Variants in COP1 observed in about 807,000 individuals in gnomAD.
COP1 encodes the protein COP1 E3 ubiquitin ligase, also known as E3 ubiquitin-protein ligase COP1.
A neutral mutation model predicts 101.3 loss-of-function variants in COP1; 24 were observed. The observed-to-expected ratio is 0.24, with a 90% CI of 0.17 to 0.33. The LOEUF is 0.33. Among genes scored for constraint, COP1 ranks in the 10% least tolerant of loss-of-function variants. The pLI is 1.00. For missense variants in COP1, 663 were observed against 906.2 expected (o/e 0.73, Z 3.45); for synonymous variants, 347 against 341.9 (o/e 1.01, Z -0.17).
intron 11 of COP1, among the ~76,000 whole-genome samples, chr1:176,058,704 C>A (rs1674284250): frequency 1.3e-5 from 2 of 151,054 alleles, no homozygotes; most frequent in South Asian, 2.1e-4. Context: ...CACTATTGTC[C>A]TATGACCCTG....
intron 11 of COP1, among the ~76,000 whole-genome samples, chr1:176,065,189 C>T (rs1675694976): frequency 6.6e-6 from 1 of 152,034 alleles, no homozygotes. Flanking sequence ...ATGAGACTGC[C>T]AGAGGTTAAA....
At chr1:176,029,087 A>C (rs1273514640) in intron 14 of COP1, among the ~76,000 whole-genome samples, 1 of 152,118 alleles carries the variant, frequency 6.6e-6, no homozygotes, top group Non-Finnish European at 1.5e-5. Flanking sequence ...ATATGACTGT[A>C]TACTGATATA....
chr1:176,163,947 T>A lies in COP1; in HGVS notation c.566-56A>T, dbSNP rs144116974. ...ATAATTTGTATTTTTGTTAAATGTATCATGTAATTCTTCGGTTTAGATAGA... is the reference window on the plus strand; with the variant it reads ...ATAATTTGTATTTTTGTTAAATGTAACATGTAATTCTTCGGTTTAGATAGA... On this transcript the variant is annotated intron_variant, in intron 3 of 19. Coordinates refer to ENST00000367669, the MANE Select transcript of COP1 (RefSeq NM_022457.7). 733 of 1,190,306 alleles carry A rather than the reference T, an allele frequency of 6.2e-4. 2 individuals are homozygous for A. The African/African-American group carries it at 9.6e-3, about 16-fold the overall frequency. 73.7% of individuals were successfully genotyped at this position (1,190,306 alleles called of 1,614,324 possible).
chr1:176,072,695 T>C (rs1677220902), intron 11 of COP1, among the ~76,000 whole-genome samples: 2 of 152,178 alleles, frequency 1.3e-5, no homozygotes, highest in South Asian at 4.1e-4. Flanking sequence ...AGGAACATAT[T>C]AAAAGTTACC....
intron 3 of COP1, among the ~76,000 whole-genome samples, chr1:176,172,076 C>A (rs1341969527): frequency 1.3e-5 from 2 of 152,116 alleles, no homozygotes; most frequent in African/African-American, 4.8e-5. Context: ...GAGACAGAGT[C>A]TCTGCTTTGT....
chr1:176,189,738 G>GA (rs927665946), intron 1 of COP1, among the ~76,000 whole-genome samples: 1 of 149,768 alleles, frequency 6.7e-6, no homozygotes, highest in African/African-American at 2.5e-5. Flanking sequence ...GTTCCCAAAG[G>GA]AAAAAGAAAC....
intron 18 of COP1, among the ~76,000 whole-genome samples, chr1:175,980,825 C>A (rs544507238): frequency 1.3e-5 from 2 of 152,078 alleles, no homozygotes; most frequent in African/African-American, 4.8e-5. Context: ...ACGTATGTTA[C>A]GGTTCAGAGC....
At chr1:176,204,689 C>G (rs960480642) in intron 1 of COP1, among the ~76,000 whole-genome samples, 1 of 152,126 alleles carries the variant, frequency 6.6e-6, no homozygotes, top group Non-Finnish European at 1.5e-5. Flanking sequence ...CTTGGGAGGC[C>G]GAGGCGAGCA....
intron 6 of COP1, among the ~76,000 whole-genome samples, chr1:176,146,292 T>C (rs1011088330): frequency 2.0e-5 from 3 of 152,178 alleles, no homozygotes; most frequent in African/African-American, 4.8e-5. Context: ...TTTAAATATA[T>C]ATAACTAACA....
intron 15 of COP1, among the ~76,000 whole-genome samples, chr1:176,001,534 G>A (rs989786125): frequency 1.3e-5 from 2 of 152,036 alleles, no homozygotes; most frequent in Non-Finnish European, 2.9e-5. Context: ...GAGATATTTC[G>A]TGGCAAAGTT....
At chr1:175,968,361 G>C (rs747984426) in intron 18 of COP1, 3 of 477,026 alleles carry the variant, frequency 6.3e-6, no homozygotes, top group Non-Finnish European at 1.3e-5. Flanking sequence ...GAATAAAATG[G>C]CAAGGAAACC....
chr1:176,182,894 T>C (rs1263494850), intron 2 of COP1, among the ~76,000 whole-genome samples: 1 of 152,114 alleles, frequency 6.6e-6, no homozygotes, highest in African/African-American at 2.4e-5. Context: ...CTTAAAAAAA[T>C]AGTAAAAGGA....
intron 11 of COP1, 44 bp from the exon 12 acceptor site, chr1:176,046,368 A>G: frequency 6.3e-7 from 1 of 1,576,940 alleles, no homozygotes; most frequent in Non-Finnish European, 8.6e-7. Flanking sequence ...AGAATTTGCT[A>G]TTTTCTATTT....
intron 9 of COP1, among the ~76,000 whole-genome samples, chr1:176,111,009 G>A (rs1382978252): frequency 1.3e-5 from 2 of 152,026 alleles, no homozygotes; most frequent in Non-Finnish European, 2.9e-5. Flanking sequence ...AAAATTAGCT[G>A]GGTGTGGTGG....
At chr1:175,989,217 A>C (rs1657830146) in intron 16 of COP1, 145 bp downstream of exon 16, 2 of 498,226 alleles carry the variant, frequency 4.0e-6, no homozygotes, top group African/African-American at 3.8e-5. Context: ...TTAATTGGAC[A>C]AGATTAAAAA....
At position 176,004,595 on chromosome 1, in the gene COP1, A is replaced by T. The variant is rs1662613487; in HGVS notation, c.1730-15116T>A. On this transcript the variant is annotated intron_variant, in intron 15 of 19. Transcript: ENST00000367669. Reference sequence around the variant, plus strand: ...GCATTTTGTTGAAGGCTTTTTCTGCATCTATTGAGATAATCATGTGGTTTT... The same window carrying T: ...GCATTTTGTTGAAGGCTTTTTCTGCTTCTATTGAGATAATCATGTGGTTTT... 2.0e-5 allele frequency among the ~76,000 whole-genome samples: 3 copies of T among 152,292 alleles called. No homozygotes were observed. The South Asian group carries it at 6.2e-4, about 32-fold the overall frequency.
intron 11 of COP1, among the ~76,000 whole-genome samples, chr1:176,067,895 G>T (rs564444774): frequency 1.3e-5 from 2 of 152,156 alleles, no homozygotes; most frequent in African/African-American, 4.8e-5. Flanking sequence ...ACGCTCCCAC[G>T]ATCTGCCTGT....
At chr1:176,128,371 T>C (rs538264240) in intron 8 of COP1, among the ~76,000 whole-genome samples, 24 of 152,018 alleles carry the variant, frequency 1.6e-4, no homozygotes, top group Non-Finnish European at 3.2e-4. Flanking sequence ...CATGGAAGTT[T>C]GCTTCCTGTG....
chr1:176,090,125 G>A (rs1421909864), intron 9 of COP1, among the ~76,000 whole-genome samples: 1 of 152,076 alleles, frequency 6.6e-6, no homozygotes, highest in East Asian at 1.9e-4. Context: ...CAGGTCTTTG[G>A]ATAGTAACTT....
Sources: allele counts gnomAD v4.1 joint callset (sites outside exome capture counted in the v4.1 genomes callset), GRCh38; gene constraint gnomAD v4.1.1; transcripts MANE v1.5; gene names NCBI Gene and HGNC (gene_info 2026-07-23, HGNC 2026-07-21).